The following CAST variants were observed in gnomAD, a reference collection of about 807,000 sequenced individuals.
The protein encoded by CAST is calpastatin.
CAST carries 76 observed loss-of-function variants against 119.6 expected under a neutral mutation model. That is an observed-to-expected ratio of 0.64 (90% CI 0.53 to 0.77). The LOEUF (loss-of-function observed/expected upper bound fraction) is 0.77. CAST is among the 30% of genes least tolerant of loss of function. The probability of loss-of-function intolerance (pLI) is 0.00; values close to 1 mark genes in which losing one functional copy is unlikely to be tolerated. For synonymous variants in CAST, 319 were observed against 331.6 expected (o/e 0.96, Z 0.41); for missense variants, 953 against 946.5 (o/e 1.01, Z -0.09).
At chr5:96,403,436 C>CCCGGTGTATT in the CAST span, among the ~76,000 whole-genome samples, 1 of 151,958 alleles carries the variant, frequency 6.6e-6, no homozygotes, top group South Asian at 2.1e-4. Flanking sequence ...CATGACAGGC[C>CCCGGTGTATT]CCGGTGTATT....
At chr5:95,973,927 A>G in the CAST span, among the ~76,000 whole-genome samples, 1 of 152,080 alleles carries the variant, frequency 6.6e-6, no homozygotes, top group African/African-American at 2.4e-5. Context: ...TTCCCTGTGT[A>G]GAAAAAAGAC....
intron 1 of CAST, among the ~76,000 whole-genome samples, chr5:96,617,686 A>G (rs956129868): frequency 8.7e-5 from 13 of 150,124 alleles, no homozygotes; most frequent in South Asian, 4.2e-4. Context: ...CAGCTACTCG[A>G]GAGGCTGAGG....
the CAST span, among the ~76,000 whole-genome samples, chr5:96,016,444 T>G: frequency 1.5e-4 from 23 of 152,324 alleles, no homozygotes; most frequent in African/African-American, 5.3e-4. Flanking sequence ...TTTTTATATT[T>G]TGCACCCTGC....
At chr5:95,992,053 C>T in the CAST span, among the ~76,000 whole-genome samples, 16 of 152,244 alleles carry the variant, frequency 1.1e-4, no homozygotes, top group Non-Finnish European at 2.1e-4. Flanking sequence ...TAACCTTCTG[C>T]AGGTAAGAAC....
the CAST span, among the ~76,000 whole-genome samples, chr5:96,468,218 G>T: frequency 4.6e-5 from 7 of 152,024 alleles, no homozygotes; most frequent in African/African-American, 1.7e-4. Context: ...ATGGACACTG[G>T]AGATTCAGAA....
the CAST span, among the ~76,000 whole-genome samples, chr5:96,049,950 G>A: frequency 7.1e-6 from 1 of 140,300 alleles, no homozygotes; most frequent in Non-Finnish European, 1.5e-5. Flanking sequence ...AGGAGATGAG[G>A]AAAAAATGGT....
the CAST span, among the ~76,000 whole-genome samples, chr5:96,195,037 A>T: frequency 1.6e-4 from 24 of 152,356 alleles, no homozygotes; most frequent in African/African-American, 5.8e-4. Context: ...CCCGAAAGCT[A>T]TATTAATACA....
chr5:96,130,141 A>G, the CAST span, among the ~76,000 whole-genome samples: 1 of 151,744 alleles, frequency 6.6e-6, no homozygotes, highest in Admixed American at 6.6e-5. Flanking sequence ...AAACATAACA[A>G]ACACTACCTC....
At chr5:96,235,313 G>A in the CAST span, among the ~76,000 whole-genome samples, 2 of 152,272 alleles carry the variant, frequency 1.3e-5, no homozygotes, top group South Asian at 4.2e-4. Flanking sequence ...GTGTGGCTTT[G>A]AACAATTCAG....
At chr5:96,177,298 A>C in the CAST span, among the ~76,000 whole-genome samples, 1 of 152,214 alleles carries the variant, frequency 6.6e-6, no homozygotes, top group Non-Finnish European at 1.5e-5. Context: ...ACAAAATGCG[A>C]GGTGGTGAAC....
intron 1 of CAST, among the ~76,000 whole-genome samples, chr5:96,554,914 A>G (rs1746204890): frequency 6.6e-6 from 1 of 152,210 alleles, no homozygotes; most frequent in African/African-American, 2.4e-5. Context: ...CAGATACTGG[A>G]GAGGTTGTGG....
At chr5:96,532,327 A>T (rs980943294) in intron 1 of CAST, among the ~76,000 whole-genome samples, 1 of 152,224 alleles carries the variant, frequency 6.6e-6, no homozygotes, top group Admixed American at 6.5e-5. Context: ...GATGTTGCAC[A>T]TCTTGTTGAA....
At chr5:96,714,285 A>G (rs1411393454) in intron 3 of CAST, among the ~76,000 whole-genome samples, 1 of 152,208 alleles carries the variant, frequency 6.6e-6, no homozygotes, top group Non-Finnish European at 1.5e-5. Context: ...GGGACTCCAG[A>G]GCTCATGCTC....
chr5:96,108,171 G>A, the CAST span, among the ~76,000 whole-genome samples: 34 of 140,688 alleles, frequency 2.4e-4, no homozygotes, highest in African/African-American at 4.3e-4. Context: ...TGGTTTGAAT[G>A]TCCTCCCGTA....
chr5:96,123,723 G>A, the CAST span, among the ~76,000 whole-genome samples: 1 of 152,108 alleles, frequency 6.6e-6, no homozygotes, highest in Non-Finnish European at 1.5e-5. Flanking sequence ...TCAACAAGAT[G>A]GAAATGCCTT....
chr5:96,108,825 T>G, the CAST span, among the ~76,000 whole-genome samples: 3 of 152,220 alleles, frequency 2.0e-5, no homozygotes, highest in African/African-American at 7.2e-5. Flanking sequence ...CCCCCAGCCT[T>G]GCTGCCACCT....
At chr5:96,035,334 A>T in the CAST span, among the ~76,000 whole-genome samples, 3 of 151,676 alleles carry the variant, frequency 2.0e-5, no homozygotes, top group South Asian at 6.2e-4. Context: ...AAGGAAACAC[A>T]TCATAATCAG....
At position 96,727,503 on chromosome 5, in the gene CAST, AC is replaced by A; in HGVS notation, c.353del (p.Pro118LeufsTer72). On this transcript the variant is annotated frameshift_variant, in exon 6 of 32. Transcript: ENST00000675179. LOFTEE classifies it high-confidence loss of function. ...KHKKQAVKTE[P>X]EKKSQSTKLS... Reference sequence around the variant, plus strand: ...TCTGAACTTAGGCTGTAAAAACAGAACCTGAGAAGAAGTCACAGTCAACCAA... The same window carrying A: ...TCTGAACTTAGGCTGTAAAAACAGAACTGAGAAGAAGTCACAGTCAACCAA... The A allele has an allele frequency of 6.4e-7, 1 of 1,559,476 alleles. No homozygotes were observed. Among genetic ancestry groups the A allele is most frequent in the Non-Finnish European group, 8.7e-7 (1 of 1,145,650 alleles).
At chr5:96,089,771 A>T in the CAST span, among the ~76,000 whole-genome samples, 2 of 152,234 alleles carry the variant, frequency 1.3e-5, no homozygotes, top group African/African-American at 4.8e-5. Flanking sequence ...TTTTCACTGT[A>T]TGCTTTTTTA....
Sources: allele counts gnomAD v4.1 joint callset (sites outside exome capture counted in the v4.1 genomes callset), GRCh38; gene constraint gnomAD v4.1.1; transcripts MANE v1.5; gene names NCBI Gene and HGNC (gene_info 2026-07-23, HGNC 2026-07-21).